The following TLL2 variants were observed in gnomAD, a reference collection of about 807,000 sequenced individuals.
TLL2 encodes the protein tolloid like 2.
In TLL2, 106 loss-of-function variants were observed where a neutral mutation model predicts 123.0. The ratio of observed to expected loss-of-function variants is 0.86; its 90% CI spans 0.74 to 1.01. The LOEUF is 1.01. Ranked by LOEUF, TLL2 falls within the 50% of genes least tolerant of loss-of-function variation. The pLI is 0.00. For missense variants in TLL2, 1,332 were observed against 1,336.7 expected (o/e 1.00, Z 0.06); for synonymous variants, 494 against 516.8 (o/e 0.96, Z 0.60).
At chr10:96,490,315 AT>A (rs961776998) in intron 1 of TLL2, among the ~76,000 whole-genome samples, 1 of 151,932 alleles carries the variant, frequency 6.6e-6, no homozygotes, top group African/African-American at 2.4e-5. Context: ...CAAAATCCCA[AT>A]TTTTTTTATT....
chr10:96,371,737 C>A (rs1846086904), intron 19 of TLL2, among the ~76,000 whole-genome samples: 1 of 152,202 alleles, frequency 6.6e-6, no homozygotes, highest in Non-Finnish European at 1.5e-5. Flanking sequence ...GTGAGACAGA[C>A]CCCTGGCCTA....
intron 1 of TLL2, 145 bp from the exon 2 acceptor site, chr10:96,480,604 G>C (rs896877546): frequency 1.5e-6 from 1 of 670,094 alleles, no homozygotes; most frequent in African/African-American, 1.8e-5. Flanking sequence ...GAGCCTAAGA[G>C]ATAGGGCTGG....
chr10:96,466,463 G>A (rs1460172599), intron 2 of TLL2, among the ~76,000 whole-genome samples: 1 of 152,208 alleles, frequency 6.6e-6, no homozygotes, highest in East Asian at 1.9e-4. Flanking sequence ...GTACCAGGAT[G>A]GGGAGCCTCA....
chr10:96,468,220 C>T (rs1847147694), intron 2 of TLL2, among the ~76,000 whole-genome samples: 2 of 152,184 alleles, frequency 1.3e-5, no homozygotes, highest in Non-Finnish European at 2.9e-5. Context: ...CCTTGTCAGC[C>T]TTCTGCTTCG....
rs140189778 is a variant in TLL2 at position 96,457,546 on chromosome 10, T to C, written c.287-11378A>G. 1.6e-4 allele frequency among the ~76,000 whole-genome samples: 25 copies of C among 152,288 alleles called. No homozygotes were observed. The East Asian group carries it at 4.6e-3, about 28-fold the overall frequency. On this transcript the variant is annotated intron_variant, in intron 2 of 20. Transcript: ENST00000357947. ...CTGGCTCTTTTTGGTTCAGTGAAAT[T>C]GTAGAGGGAAACTCCTTTTCCTCAA... is the stretch of plus-strand genomic sequence containing the variant.
intron 7 of TLL2, among the ~76,000 whole-genome samples, chr10:96,414,671 A>G (rs1846536830): frequency 6.6e-6 from 1 of 152,114 alleles, no homozygotes; most frequent in Admixed American, 6.5e-5. Flanking sequence ...TGAGCCCCAG[A>G]TGCCTCGTAA....
At chr10:96,420,910 C>CGCAG (rs768602652) in intron 7 of TLL2, 46 bp downstream of exon 7, 1 of 1,573,434 alleles carries the variant, frequency 6.4e-7, no homozygotes, top group Non-Finnish European at 8.7e-7. Flanking sequence ...CCAAGCCTGC[C>CGCAG]GCAGGCACAG....
In TLL2 at chr10:96,480,391, C is replaced by G. The variant is rs1847300805; in HGVS notation, c.244G>C (p.Asp82His). Residue 82 changes from aspartate to histidine, a missense_variant, in exon 2 of 21, where the codon GAC becomes CAC. Asp to His is a moderately conservative substitution (Grantham distance 81, BLOSUM62 -1). Coordinates refer to ENST00000357947, the MANE Select transcript of TLL2 (RefSeq NM_012465.4). Reference protein sequence around the residue: ...LKLFHIDKARDWTKQTVGATG... With the variant: ...LKLFHIDKARHWTKQTVGATG... ...GCCCCCACTGTCTGCTTGGTCCAGT[C>G]TCTGGCTTTGTCAATGTGAAACAGC... 1.9e-6 allele frequency: 3 copies of G among 1,614,070 alleles called. No individual in the cohort carries two copies. Among genetic ancestry groups the G allele is most frequent in the South Asian group, 1.1e-5 (1 of 91,090 alleles).
At chr10:96,457,929 C>G (rs546055997) in intron 2 of TLL2, among the ~76,000 whole-genome samples, 1 of 152,170 alleles carries the variant, frequency 6.6e-6, no homozygotes, top group Non-Finnish European at 1.5e-5. Flanking sequence ...CTCATTTATT[C>G]GCTTATGTTT....
At chr10:96,477,035 T>A (rs1278479943) in intron 2 of TLL2, among the ~76,000 whole-genome samples, 1 of 90,846 alleles carries the variant, frequency 1.1e-5, no homozygotes, top group Non-Finnish European at 2.4e-5. Flanking sequence ...TACTGGACTT[T>A]TTTTTTTTTT....
intron 1 of TLL2, among the ~76,000 whole-genome samples, chr10:96,510,677 A>G (rs1326097428): frequency 3.3e-5 from 5 of 152,260 alleles, no homozygotes; most frequent in Non-Finnish European, 5.9e-5. Context: ...GTGGCAGAGT[A>G]AATGGTAAAA....
At chr10:96,494,210 G>A (rs1847447025) in intron 1 of TLL2, among the ~76,000 whole-genome samples, 1 of 152,216 alleles carries the variant, frequency 6.6e-6, no homozygotes, top group South Asian at 2.1e-4. Flanking sequence ...AGAGTCTGGT[G>A]GGGGGATTTT....
At chr10:96,489,337 G>A (rs767280805) in intron 1 of TLL2, among the ~76,000 whole-genome samples, 2 of 152,142 alleles carry the variant, frequency 1.3e-5, no homozygotes, top group Non-Finnish European at 2.9e-5. Flanking sequence ...GACCAGCCTG[G>A]GCAACAACGT....
At chr10:96,482,397 T>A (rs902718364) in intron 1 of TLL2, among the ~76,000 whole-genome samples, 2 of 152,246 alleles carry the variant, frequency 1.3e-5, no homozygotes. Context: ...CAGCCTTCTT[T>A]CTAATAGCCC....
chr10:96,470,867 C>G (rs1490900252), intron 2 of TLL2, among the ~76,000 whole-genome samples: 1 of 152,234 alleles, frequency 6.6e-6, no homozygotes, highest in African/African-American at 2.4e-5. Context: ...CCATAATTGA[C>G]ATAACAAATG....
chr10:96,375,405 G>A (rs570879443), intron 18 of TLL2: 35 of 152,220 alleles, frequency 2.3e-4, no homozygotes, highest in African/African-American at 7.9e-4. Flanking sequence ...GTGAGCCTCG[G>A]GCAAACGCTT....
At chr10:96,396,598 TTTG>T (rs1315505026) in intron 11 of TLL2, among the ~76,000 whole-genome samples, 11 of 150,714 alleles carry the variant, frequency 7.3e-5, no homozygotes, top group African/African-American at 1.2e-4. Context: ...TTTTTTTTTT[TTTG>T]GTAGAGGGTA....
chr10:96,423,067 G>A (rs1846641583), intron 5 of TLL2, among the ~76,000 whole-genome samples: 1 of 149,290 alleles, frequency 6.7e-6, no homozygotes, highest in Non-Finnish European at 1.5e-5. Context: ...GGCAGAGGTT[G>A]CAGTGAGCCA....
intron 1 of TLL2, among the ~76,000 whole-genome samples, chr10:96,505,562 T>C (rs1202063514): frequency 6.6e-6 from 1 of 152,222 alleles, no homozygotes; most frequent in Non-Finnish European, 1.5e-5. Flanking sequence ...TGGGTAGATA[T>C]TAGTAACCAC....
Sources: allele counts gnomAD v4.1 joint callset (sites outside exome capture counted in the v4.1 genomes callset), GRCh38; gene constraint gnomAD v4.1.1; transcripts MANE v1.5; gene names NCBI Gene and HGNC (gene_info 2026-07-23, HGNC 2026-07-21).